Variants in CFAP92 observed in about 807,000 individuals in gnomAD.
The protein encoded by CFAP92 is uncharacterized protein CFAP92.
CFAP92 carries 86 observed loss-of-function variants against 106.3 expected under a neutral mutation model. That is an observed-to-expected ratio of 0.81 (90% CI 0.68 to 0.97). The LOEUF (loss-of-function observed/expected upper bound fraction) is 0.97. Ranked by LOEUF, CFAP92 falls within the 50% of genes least tolerant of loss-of-function variation. CFAP92 has a pLI of 0.00. For synonymous variants in CFAP92, 477 were observed against 506.4 expected, an observed-to-expected ratio of 0.94 and a Z score of 0.78; for missense variants, 1,204 against 1,283.8, an observed-to-expected ratio of 0.94 and a Z score of 0.95.
At chr3:128,978,008 T>C (rs759704604) in intron 5 of CFAP92, 37 bp downstream of exon 5, 3 of 1,612,738 alleles carry the variant, frequency 1.9e-6, no homozygotes, top group Non-Finnish European at 8.5e-7. Context: ...GCCATCGCCT[T>C]GCACTCAGCT....
chr3:129,003,870 G>C, upstream of CFAP92: 1 of 1,429,584 alleles, frequency 7.0e-7, no homozygotes, highest in Non-Finnish European at 9.1e-7. Context: ...CGGGAGCTGC[G>C]TCAGGCGCAG....
chr3:128,992,862 A>C (rs561366060), intron 2 of CFAP92, among the ~76,000 whole-genome samples, 181 bp downstream of exon 2: 1 of 152,304 alleles, frequency 6.6e-6, no homozygotes, highest in South Asian at 2.1e-4. Context: ...ATGCAGCCAC[A>C]GTTGGGCCTC....
Position 128,925,564 on chromosome 3 carries a change from TGC to T in CFAP92, c.2751+7134_2751+7135del, listed in dbSNP as rs1937590425. On this transcript the variant is annotated intron_variant, in intron 12 of 15. Transcript: ENST00000645291. The stretch of plus-strand genomic sequence containing the variant: ...TATGAGATGTATAAGTAATATCAGA[TGC>T]AGATCATGGTGAAAATATCTAACAT... 2.6e-5 allele frequency among the ~76,000 whole-genome samples: 4 copies of T among 152,282 alleles called. No individual in the cohort carries two copies. In the South Asian group the frequency reaches 8.3e-4, roughly 32 times the overall value.
At chr3:128,925,811 G>T (rs1313859296) in intron 12 of CFAP92, among the ~76,000 whole-genome samples, 2 of 152,116 alleles carry the variant, frequency 1.3e-5, no homozygotes, top group Non-Finnish European at 2.9e-5. Context: ...AGCAGCCAGA[G>T]ACAACCAAAT....
chr3:128,939,285 T>C (rs1939381294), intron 10 of CFAP92, among the ~76,000 whole-genome samples: 1 of 151,972 alleles, frequency 6.6e-6, no homozygotes. Context: ...ATTACAGGTG[T>C]GCGCCACCAC....
chr3:128,910,112 G>T lies in CFAP92; in HGVS notation c.*187C>A. ...ACGGCCGTGCTGTCGCGGGCCAGCC[G>T]CTCCATCCGCATTGGGCTCCGCAAC... On this transcript the variant is annotated 3_prime_UTR_variant, in exon 16 of 16. Transcript: ENST00000645291. 1 of 1,613,992 alleles carries T rather than the reference G, an allele frequency of 6.2e-7. No individual in the cohort carries two copies. The highest frequency in any genetic ancestry group is 8.5e-7 in the Non-Finnish European group (1 of 1,180,038).
Position 128,945,228 on chromosome 3 carries a change from T to A in CFAP92, c.2101A>T (p.Ile701Phe). 1 of 1,536,106 alleles carries A rather than the reference T, an allele frequency of 6.5e-7. No individual in the cohort carries two copies. The highest frequency in any genetic ancestry group is 1.2e-5 in the South Asian group (1 of 84,064). ...DSYPVRTLQQ[I>F]LSAFKVRVRV... ...ACACGCACCTTGAAGGCTGACAGGATCTGCTGCAGGGTCCTGACAGGGTAG... is the reference window on the plus strand; with the variant it reads ...ACACGCACCTTGAAGGCTGACAGGAACTGCTGCAGGGTCCTGACAGGGTAG... The change falls in exon 10 of 16, where the codon ATC becomes TTC. Residue 701 changes from isoleucine (I) to phenylalanine (F), a missense_variant. By Grantham distance (21) the Ile-to-Phe change is conservative (BLOSUM62 0). Transcript: ENST00000645291.
chr3:128,987,339 T>C (rs1204072079), intron 4 of CFAP92, among the ~76,000 whole-genome samples: 1 of 151,826 alleles, frequency 6.6e-6, no homozygotes, highest in Non-Finnish European at 1.5e-5. Flanking sequence ...CATATAATAC[T>C]AGTCCAGACC....
At chr3:128,925,284 A>G (rs903101105) in intron 12 of CFAP92, among the ~76,000 whole-genome samples, 4 of 152,172 alleles carry the variant, frequency 2.6e-5, no homozygotes, top group Admixed American at 6.5e-5. Context: ...GAACCCTTGC[A>G]TGTTCAGTTC....
chr3:128,963,560 G>C (rs1942121298), intron 9 of CFAP92, among the ~76,000 whole-genome samples: 4 of 151,694 alleles, frequency 2.6e-5, no homozygotes, highest in Admixed American at 2.6e-4. Flanking sequence ...CATTATTCCT[G>C]ATACCACACC....
At chr3:128,987,466 C>T in intron 4 of CFAP92, 150 bp downstream of exon 4, 1 of 665,578 alleles carries the variant, frequency 1.5e-6, no homozygotes, top group Non-Finnish European at 2.6e-6. Context: ...GTCACCACAG[C>T]ATGGCCTGGT....
At chr3:128,916,616 C>T (rs896033453) in intron 12 of CFAP92, among the ~76,000 whole-genome samples, 3 of 152,152 alleles carry the variant, frequency 2.0e-5, no homozygotes, top group Non-Finnish European at 4.4e-5. Flanking sequence ...GGGGATATTA[C>T]AACCTAAAGC....
intron 12 of CFAP92, among the ~76,000 whole-genome samples, chr3:128,924,284 A>G (rs945752776): frequency 2.0e-5 from 3 of 152,042 alleles, no homozygotes; most frequent in Non-Finnish European, 4.4e-5. Context: ...GCCCTGCTGC[A>G]CCACAATCTA....
In CFAP92 at chr3:128,988,872, G is replaced by C. The variant is rs199984502; in HGVS notation, c.309C>G (p.His103Gln). 46 of 1,613,762 alleles carry C rather than the reference G, an allele frequency of 2.9e-5. No homozygotes were observed. In the African/African-American group the frequency reaches 6.1e-4, roughly 22 times the overall value. ...TTGTAACAGAACTGTCTGTTTTAGG[G>C]TGTTTCTTATATTTTTCAATCAAAC... is the stretch of plus-strand genomic sequence containing the variant. ...YASLIEKYKKHPKTDSSVTKM... is the reference protein window; with the variant it reads ...YASLIEKYKKQPKTDSSVTKM... Residue 103 changes from histidine to glutamine, a missense_variant, in exon 3 of 16, where the codon CAC (histidine) becomes CAG (glutamine). Physicochemically the swap from His to Gln is conservative, Grantham distance 24. Transcript: ENST00000645291.
chr3:129,025,827 C>T, the CFAP92 span, among the ~76,000 whole-genome samples: 1 of 152,210 alleles, frequency 6.6e-6, no homozygotes, highest in Non-Finnish European at 1.5e-5. Flanking sequence ...AAAGAGTGTC[C>T]TCATCTGTCC....
intron 9 of CFAP92, among the ~76,000 whole-genome samples, chr3:128,960,439 A>G (rs144998694): frequency 0.3 from 45,634 of 151,784 alleles, 7,115 homozygotes; most frequent in East Asian, 0.56. Context: ...AACCTCCCTC[A>G]CTATCCCTCA....
intron 12 of CFAP92, among the ~76,000 whole-genome samples, chr3:128,927,244 G>C (rs527608715): frequency 8.3e-4 from 126 of 152,160 alleles, no homozygotes; most frequent in Non-Finnish European, 1.5e-3. Context: ...AATTTTGGAC[G>C]TTCCAGCCTC....
intron 12 of CFAP92, among the ~76,000 whole-genome samples, chr3:128,921,450 G>A (rs151292868): frequency 6.6e-6 from 1 of 152,240 alleles, no homozygotes; most frequent in African/African-American, 2.4e-5. Context: ...GACAGGGAAG[G>A]TTCAGTTAGC....
intron 15 of CFAP92, chr3:128,910,713 A>ATATCT (rs1559834358): frequency 6.2e-7 from 1 of 1,613,718 alleles, no homozygotes; most frequent in East Asian, 2.2e-5. Flanking sequence ...GAATTTGGGC[A>ATATCT]TATCTTTTCT....
Sources: gnomAD v4.1 joint callset for allele counts (sites outside exome capture counted in the v4.1 genomes callset) on GRCh38, gnomAD v4.1.1 for gene constraint, MANE v1.5 for transcripts, NCBI Gene and HGNC (gene_info 2026-07-23, HGNC 2026-07-21) for gene names.